The following ACTN1 variants were observed in gnomAD, a reference collection of about 807,000 sequenced individuals.
ACTN1 encodes the protein actinin alpha 1.
A neutral mutation model predicts 119.6 loss-of-function variants in ACTN1; 30 were observed. That is an observed-to-expected ratio of 0.25 (90% CI 0.19 to 0.34). The LOEUF (loss-of-function observed/expected upper bound fraction) is 0.34, where lower values mean the gene tolerates loss of function less well. Among genes scored for constraint, ACTN1 ranks in the 10% least tolerant of loss-of-function variants. The probability of loss-of-function intolerance (pLI) is 1.00; values close to 1 mark genes in which losing one functional copy is unlikely to be tolerated. For synonymous variants in ACTN1, 429 were observed against 472.6 expected (o/e 0.91, Z 1.20); for missense variants, 764 against 1,223.4 (o/e 0.62, Z 5.60).
intron 7 of ACTN1, among the ~76,000 whole-genome samples, chr14:68,903,941 C>T (rs1194424256): frequency 6.6e-6 from 1 of 152,128 alleles, no homozygotes. Flanking sequence ...TAGTGTCGAA[C>T]CCTGAACCTG....
At chr14:68,905,611 T>C (rs2140261462) in intron 6 of ACTN1, among the ~76,000 whole-genome samples, 1 of 152,352 alleles carries the variant, frequency 6.6e-6, no homozygotes, top group South Asian at 2.1e-4. Context: ...TGGAATATTA[T>C]TCAGCCTCAA....
chr14:68,921,750 C>T (rs562459229), intron 2 of ACTN1, among the ~76,000 whole-genome samples: 26 of 152,224 alleles, frequency 1.7e-4, no homozygotes, highest in South Asian at 1.2e-3. Context: ...TATGGACTTC[C>T]CTGGTGTTTA....
At chr14:68,883,956 G>A (rs1003026857) in intron 14 of ACTN1, among the ~76,000 whole-genome samples, 2 of 152,200 alleles carry the variant, frequency 1.3e-5, no homozygotes, top group African/African-American at 4.8e-5. Context: ...AGGAGTCAGA[G>A]GGAGACCCTA....
chr14:68,958,723 G>A (rs1008751459), intron 1 of ACTN1, among the ~76,000 whole-genome samples: 6 of 152,284 alleles, frequency 3.9e-5, no homozygotes, highest in East Asian at 1.9e-4. Context: ...TGGAAACCAC[G>A]GAAGTGTCCA....
At chr14:68,944,379 G>A (rs1180043583) in intron 1 of ACTN1, among the ~76,000 whole-genome samples, 1 of 152,150 alleles carries the variant, frequency 6.6e-6, no homozygotes. Context: ...CTACAGACTC[G>A]CCCAGGCTCC....
intron 1 of ACTN1, among the ~76,000 whole-genome samples, chr14:68,935,113 C>T (rs181123203): frequency 2.0e-5 from 3 of 152,266 alleles, no homozygotes; most frequent in Admixed American, 2.0e-4. Flanking sequence ...ACCTCCATCT[C>T]TCAGGTTCAA....
intron 11 of ACTN1, among the ~76,000 whole-genome samples, chr14:68,889,578 T>C (rs2032311322): frequency 6.6e-6 from 1 of 152,204 alleles, no homozygotes; most frequent in African/African-American, 2.4e-5. Context: ...ATGGATCACC[T>C]GAGATCAGGA....
intron 1 of ACTN1, among the ~76,000 whole-genome samples, chr14:68,964,362 C>A (rs560786033): frequency 2.3e-4 from 35 of 152,338 alleles, no homozygotes; most frequent in African/African-American, 7.9e-4. Flanking sequence ...AGCACGGGGA[C>A]TTCAGTCTCC....
intron 7 of ACTN1, among the ~76,000 whole-genome samples, chr14:68,902,774 T>C (rs2033424753): frequency 6.6e-6 from 1 of 152,068 alleles, no homozygotes; most frequent in South Asian, 2.1e-4. Context: ...ACAAACCCAG[T>C]ATAAGGAACT....
intron 1 of ACTN1, among the ~76,000 whole-genome samples, chr14:68,968,617 G>A (rs1055072926): frequency 7.9e-5 from 12 of 152,216 alleles, no homozygotes; most frequent in Admixed American, 5.9e-4. Flanking sequence ...CACTGCGGTC[G>A]CAACTCTACA....
chr14:68,950,217 C>G (rs1465165997), intron 1 of ACTN1, among the ~76,000 whole-genome samples: 1 of 150,430 alleles, frequency 6.6e-6, no homozygotes, highest in African/African-American at 2.5e-5. Flanking sequence ...TCACTTGAAC[C>G]CGAGAGGAGG....
chr14:68,953,467 C>T (rs2036237265), intron 1 of ACTN1, among the ~76,000 whole-genome samples: 1 of 152,228 alleles, frequency 6.6e-6, no homozygotes, highest in Non-Finnish European at 1.5e-5. Flanking sequence ...TGCCCTTAAG[C>T]TCAGAGGACC....
chr14:68,918,503 G>A (rs58098295), intron 3 of ACTN1, among the ~76,000 whole-genome samples: 6 of 25,380 alleles, frequency 2.4e-4, no homozygotes, highest in African/African-American at 9.0e-4. Context: ...GGAGAATGGC[G>A]TCAAACTGGG....
chr14:68,905,863 G>A (rs974619556), intron 6 of ACTN1, among the ~76,000 whole-genome samples: 13 of 151,810 alleles, frequency 8.6e-5, no homozygotes, highest in South Asian at 2.1e-4. Flanking sequence ...GTGGTGGCAC[G>A]TCCCAGCTAC....
chr14:68,967,487 T>C (rs1029574118), intron 1 of ACTN1, among the ~76,000 whole-genome samples: 11 of 152,180 alleles, frequency 7.2e-5, no homozygotes, highest in African/African-American at 2.7e-4. Flanking sequence ...ACTCCACAAA[T>C]CCACCTTTGA....
At chr14:68,906,014 T>C (rs981546259) in intron 6 of ACTN1, among the ~76,000 whole-genome samples, 1 of 149,558 alleles carries the variant, frequency 6.7e-6, no homozygotes, top group Non-Finnish European at 1.5e-5. Flanking sequence ...AAACACCATA[T>C]GGCTTCACTG....
rs778039460 is a variant in ACTN1 at position 68,885,532 on chromosome 14, G to A, written c.1278C>T (p.Thr426=). Residue 426 remains threonine (T), a synonymous_variant, in exon 12 of 22, where the codon ACC becomes ACT. Coordinates refer to ENST00000394419, the MANE Select transcript of ACTN1 (RefSeq NM_001130004.2). This position sits in a 1 kb window ranked among gnomAD's most constrained non-coding sequence, Gnocchi z 5.6. The part of the protein sequence containing the change: ...MLRQKDYETA[T]LSEIKALLKK... ...TGAGCAGGGCCTTGATCTCCGAGAG[G>A]GTGGCGGTCTCATAGTCCTTCTGTC... The A allele has an allele frequency of 2.5e-6, 4 of 1,614,068 alleles. No individual in the cohort carries two copies. Among genetic ancestry groups the A allele is most frequent in the South Asian group, 1.1e-5 (1 of 91,084 alleles).
intron 2 of ACTN1, among the ~76,000 whole-genome samples, chr14:68,924,811 C>T (rs1252693494): frequency 1.3e-5 from 2 of 152,208 alleles, no homozygotes; most frequent in South Asian, 2.1e-4. Context: ...GAAGAGCTGT[C>T]TATGATCCCA....
chr14:68,977,659 G>GAAA, intron 1 of ACTN1: 3 of 269,940 alleles, frequency 1.1e-5, no homozygotes, highest in East Asian at 1.3e-4. Context: ...GCCTTTGGCT[G>GAAA]AAAAAAAAAA....
Sources: gnomAD v4.1 joint callset for allele counts (sites outside exome capture counted in the v4.1 genomes callset) on GRCh38, gnomAD v4.1.1 for gene constraint, Gnocchi (gnomAD v3.1) non-coding constraint, MANE v1.5 for transcripts, NCBI Gene and HGNC (gene_info 2026-07-23, HGNC 2026-07-21) for gene names.